The following NSRP1 variants were observed in gnomAD, a reference collection of about 807,000 sequenced individuals.
NSRP1 encodes nuclear speckle splicing regulatory protein 1, also known as coiled-coil domain containing 55.
A neutral mutation model predicts 54.7 loss-of-function variants in NSRP1; 24 were observed. The observed-to-expected ratio is 0.44, with a 90% confidence interval of 0.32 to 0.62. The LOEUF is 0.62. Ranked by LOEUF, NSRP1 falls within the 20% of genes least tolerant of loss-of-function variation. NSRP1 has a pLI of 0.06. For synonymous variants in NSRP1, 210 were observed against 213.8 expected (o/e 0.98, Z 0.15); for missense variants, 596 against 651.2 (o/e 0.92, Z 0.92).
intron 2 of NSRP1, among the ~76,000 whole-genome samples, chr17:30,146,072 C>T (rs1389149753): frequency 6.6e-6 from 1 of 152,128 alleles, no homozygotes; most frequent in African/African-American, 2.4e-5. Flanking sequence ...TGATCTCGAA[C>T]TCCTAGCCTC....
rs116318495 is a variant in NSRP1, at chr17:30,164,210, T to C, written c.115-8332T>C. 4.2e-3 allele frequency among the ~76,000 whole-genome samples: 643 copies of C among 152,316 alleles called. 4 individuals carry two copies. Among genetic ancestry groups the C allele is most frequent in the African/African-American group, 0.015 (622 of 41,562 alleles). On this transcript the variant is annotated intron_variant, in intron 2 of 6. Coordinates refer to ENST00000247026, the MANE Select transcript of NSRP1 (RefSeq NM_032141.4). ...TGCTTTCCTACTAGATTATAATCTTTTTGTAGCACCTAGCCTAAGTGCTGT... is the reference window on the plus strand; with the variant it reads ...TGCTTTCCTACTAGATTATAATCTTCTTGTAGCACCTAGCCTAAGTGCTGT...
chr17:30,171,696 A>G (rs532532294), intron 2 of NSRP1, among the ~76,000 whole-genome samples: 2 of 152,200 alleles, frequency 1.3e-5, no homozygotes, highest in Admixed American at 1.3e-4. Flanking sequence ...CCTAAGACTG[A>G]GACTGTTCTT....
intron 2 of NSRP1, among the ~76,000 whole-genome samples, chr17:30,157,834 GA>G (rs1324543143): frequency 6.6e-6 from 1 of 152,124 alleles, no homozygotes; most frequent in African/African-American, 2.4e-5. Flanking sequence ...TGCTGCAAAT[GA>G]CATTATTTCA....
chr17:30,175,782 A>G (rs1905104586), intron 3 of NSRP1, among the ~76,000 whole-genome samples: 1 of 152,022 alleles, frequency 6.6e-6, no homozygotes. Context: ...GGTTTACTTT[A>G]TGGTCCAGTA....
intron 2 of NSRP1, chr17:30,126,023 G>A (rs893350811): frequency 1.3e-5 from 2 of 152,032 alleles, no homozygotes; most frequent in Admixed American, 1.3e-4. Context: ...TAATTTTCCG[G>A]TCTCACTGTC....
At chr17:30,123,306 C>T (rs1249207689) in intron 2 of NSRP1, among the ~76,000 whole-genome samples, 3 of 151,268 alleles carry the variant, frequency 2.0e-5, no homozygotes, top group East Asian at 2.0e-4. Context: ...TTAGTAGAGA[C>T]GGGGTTTCAC....
chr17:30,139,665 A>G (rs2071784904), intron 2 of NSRP1, among the ~76,000 whole-genome samples: 1 of 151,806 alleles, frequency 6.6e-6, no homozygotes. Flanking sequence ...ACAGGTGTGA[A>G]ATGGGGGTAG....
At chr17:30,180,603 C>A (rs1905260829) in intron 5 of NSRP1, among the ~76,000 whole-genome samples, 1 of 152,156 alleles carries the variant, frequency 6.6e-6, no homozygotes, top group Non-Finnish European at 1.5e-5. Context: ...TTTATAAATT[C>A]ATATTTTGAA....
intron 2 of NSRP1, among the ~76,000 whole-genome samples, chr17:30,129,134 A>G (rs73274875): frequency 1.3e-5 from 2 of 151,830 alleles, no homozygotes; most frequent in East Asian, 1.9e-4. Flanking sequence ...AGGATTTCCC[A>G]TAGTGTATTT....
At chr17:30,182,716 C>G (rs942916605) in intron 6 of NSRP1, among the ~76,000 whole-genome samples, 2 of 150,968 alleles carry the variant, frequency 1.3e-5, no homozygotes, top group Admixed American at 1.3e-4. Context: ...GGGCGGATTG[C>G]GAGGTCAGGA....
chr17:30,168,802 T>C (rs1258118121), intron 2 of NSRP1: 1 of 151,988 alleles, frequency 6.6e-6, no homozygotes, highest in Non-Finnish European at 1.5e-5. Flanking sequence ...CTTTTTGTAT[T>C]TGTTTAAACA....
At position 30,184,719 on chromosome 17, in the gene NSRP1, AG is replaced by A. The variant is rs1159334001; in HGVS notation, c.724del (p.Glu242LysfsTer19). 1.2e-6 allele frequency: 2 copies of A among 1,614,102 alleles called. No individual in the cohort carries two copies. The highest frequency in any genetic ancestry group is 3.3e-5 in the Admixed American group (2 of 60,012). On this transcript the variant is annotated frameshift_variant, in exon 7 of 7. Transcript: ENST00000247026. LOFTEE classifies it high-confidence loss of function. Reference protein sequence around the residue: ...KCILQTDVKVEENPDADSDFD... With the variant: ...KCILQTDVKVXENPDADSDFD... The stretch of plus-strand genomic sequence containing the variant: ...ATTCTTCAAACTGATGTGAAAGTAG[AG>A]GAAAACCCAGATGCAGACAGTGACT...
chr17:30,176,619 A>AC lies in NSRP1; in HGVS notation c.172-1452_172-1451insC, dbSNP rs1310698756. On this transcript the variant is annotated intron_variant, in intron 3 of 6. Transcript: ENST00000247026. ...TGCAAGACTTCGTCCCCCCCCCCCC[A>AC]AAAAAAAAACAGCCCTCAGTCTCCC... is the stretch of plus-strand genomic sequence containing the variant. Among the ~76,000 whole-genome samples the AC allele has an allele frequency of 8.1e-4, 40 of 49,600 alleles. 1 individual carries two copies. In the East Asian group the frequency reaches 0.1, roughly 125 times the overall value. 32.5% of individuals were successfully genotyped at this position (49,600 alleles called of 152,430 possible).
At chr17:30,127,775 T>C in intron 2 of NSRP1, 1 of 371,870 alleles carries the variant, frequency 2.7e-6, no homozygotes, top group African/African-American at 2.1e-5. Context: ...GAGTATTAAG[T>C]TTAGATAGCT....
chr17:30,122,350 TTCATATATATATATATATATA>T, intron 2 of NSRP1: 1 of 78,246 alleles, frequency 1.3e-5, no homozygotes, highest in African/African-American at 5.5e-5. Context: ...TAACTCTGGT[TTCATATATATATATATATATA>T]TATATATATA....
At chr17:30,148,437 A>G (rs1473486840) in intron 2 of NSRP1, among the ~76,000 whole-genome samples, 2 of 152,208 alleles carry the variant, frequency 1.3e-5, no homozygotes, top group Non-Finnish European at 1.5e-5. Context: ...ATTGAGACTA[A>G]TGCCCTTTAA....
At chr17:30,181,508 T>G (rs1905292980) in intron 6 of NSRP1, among the ~76,000 whole-genome samples, 1 of 150,396 alleles carries the variant, frequency 6.6e-6, no homozygotes, top group South Asian at 2.1e-4. Context: ...GCTCAAATGA[T>G]CCTCCCAAGT....
chr17:30,165,214 A>G (rs1290512541), intron 2 of NSRP1, among the ~76,000 whole-genome samples: 2 of 152,200 alleles, frequency 1.3e-5, no homozygotes, highest in Non-Finnish European at 2.9e-5. Flanking sequence ...GTAGTGCAAG[A>G]AGTATTGTGG....
At chr17:30,153,405 T>C (rs1187434348) in intron 2 of NSRP1, among the ~76,000 whole-genome samples, 2 of 152,214 alleles carry the variant, frequency 1.3e-5, no homozygotes, top group African/African-American at 2.4e-5. Context: ...TTTTGGTCAT[T>C]ATCCCAAACC....
Sources: gnomAD v4.1 joint callset for allele counts (sites outside exome capture counted in the v4.1 genomes callset) on GRCh38, gnomAD v4.1.1 for gene constraint, MANE v1.5 for transcripts, NCBI Gene and HGNC (gene_info 2026-07-23, HGNC 2026-07-21) for gene names.